GPC5: variants seen among roughly 807,000 people sequenced by gnomAD.
GPC5 encodes the protein glypican 5, also known as glypican-5.
GPC5 carries 47 observed loss-of-function variants against 53.9 expected under a neutral mutation model. That is an observed-to-expected ratio of 0.87 (90% CI 0.69 to 1.11). The LOEUF (loss-of-function observed/expected upper bound fraction) is 1.11. GPC5 is among the 50% of genes most tolerant of loss of function. The pLI is 0.00. For synonymous variants in GPC5, 286 were observed against 263.3 expected (o/e 1.09, Z -0.84); for missense variants, 748 against 713.1 (o/e 1.05, Z -0.56).
intron 7 of GPC5, among the ~76,000 whole-genome samples, chr13:92,265,595 G>T (rs566031974): frequency 6.6e-6 from 1 of 152,172 alleles, no homozygotes; most frequent in East Asian, 1.9e-4. Flanking sequence ...TTTCCCTACA[G>T]CTGTTCTCTT....
chr13:92,447,544 A>AT (rs1248154839), intron 7 of GPC5: 1 of 152,068 alleles, frequency 6.6e-6, no homozygotes, highest in Non-Finnish European at 1.5e-5. Context: ...TCATCAGGAA[A>AT]TGAAAAAAAA....
chr13:92,741,609 T>C (rs1008370378), intron 7 of GPC5, among the ~76,000 whole-genome samples: 1 of 152,182 alleles, frequency 6.6e-6, no homozygotes, highest in Non-Finnish European at 1.5e-5. Context: ...TATTATACTT[T>C]AAGTTTTAGG....
At chr13:92,068,316 T>C (rs2041183033) in intron 6 of GPC5, among the ~76,000 whole-genome samples, 1 of 151,874 alleles carries the variant, frequency 6.6e-6, no homozygotes, top group South Asian at 2.1e-4. Context: ...AATTTTATTT[T>C]ATAATTGGGT....
At chr13:91,816,813 T>C (rs898319868) in intron 5 of GPC5, among the ~76,000 whole-genome samples, 14 of 152,164 alleles carry the variant, frequency 9.2e-5, no homozygotes, top group African/African-American at 3.4e-4. Context: ...TGGATTAGAC[T>C]TGAGGTTAGC....
chr13:92,655,182 G>A (rs1309508565), intron 7 of GPC5, among the ~76,000 whole-genome samples: 1 of 152,226 alleles, frequency 6.6e-6, no homozygotes, highest in South Asian at 2.1e-4. Context: ...CAAGTTTGTG[G>A]TAATTTGTTG....
Position 91,825,105 on chromosome 13 carries a change from C to CAG in GPC5, c.1280+68700_1280+68701dup, listed in dbSNP as rs937373917. 1.2e-3 allele frequency among the ~76,000 whole-genome samples: 169 copies of CAG among 145,066 alleles called. 1 individual carries two copies. The highest frequency in any genetic ancestry group is 1.9e-3 in the Non-Finnish European group (125 of 66,230). ...AGAGATTTAACATATATTTGTTTTC[C>CAG]AGAGAGAGAGAGAGAGGATCGGGTG... On this transcript the variant is annotated intron_variant, in intron 5 of 7. Coordinates refer to ENST00000377067, the MANE Select transcript of GPC5 (RefSeq NM_004466.6).
intron 5 of GPC5, among the ~76,000 whole-genome samples, chr13:91,800,606 G>A (rs1293478699): frequency 7.2e-5 from 11 of 152,012 alleles, no homozygotes; most frequent in Non-Finnish European, 1.3e-4. Context: ...CTATTTTTGT[G>A]CAGAGTACAT....
rs569326382 is a variant in GPC5, at chr13:91,520,144, A to G, written c.325+71222A>G. On this transcript the variant is annotated intron_variant, in intron 2 of 7. Coordinates refer to ENST00000377067, the MANE Select transcript of GPC5 (RefSeq NM_004466.6). ...TATAAAATGGTCCCTTGGCTTACAGAGATCCATACATTCACAACTTGATAT... is the reference window on the plus strand; with the variant it reads ...TATAAAATGGTCCCTTGGCTTACAGGGATCCATACATTCACAACTTGATAT... 8.5e-5 allele frequency among the ~76,000 whole-genome samples: 13 copies of G among 152,298 alleles called. No homozygotes were observed. The East Asian group carries it at 2.5e-3, about 29-fold the overall frequency.
At chr13:92,738,834 C>T (rs917836852) in intron 7 of GPC5, among the ~76,000 whole-genome samples, 2 of 152,040 alleles carry the variant, frequency 1.3e-5, no homozygotes, top group Non-Finnish European at 2.9e-5. Flanking sequence ...TGCATATCAC[C>T]CCCTTGAGAA....
intron 7 of GPC5, among the ~76,000 whole-genome samples, chr13:92,296,168 G>A (rs1034588383): frequency 6.6e-6 from 1 of 152,178 alleles, no homozygotes; most frequent in African/African-American, 2.4e-5. Context: ...TGGTGGCAGA[G>A]GTAGAGGGGA....
chr13:91,552,402 G>A (rs989593298), intron 2 of GPC5, among the ~76,000 whole-genome samples: 26 of 151,944 alleles, frequency 1.7e-4, no homozygotes, highest in African/African-American at 5.6e-4. Context: ...ACCCAGTGGC[G>A]CTAGAGGAAT....
chr13:92,249,692 G>A (rs540403263), intron 7 of GPC5, among the ~76,000 whole-genome samples: 3 of 152,186 alleles, frequency 2.0e-5, no homozygotes, highest in African/African-American at 7.2e-5. Flanking sequence ...GTTAGTGGCA[G>A]AATGTAGACA....
At chr13:92,804,955 C>T (rs1172683) in intron 7 of GPC5, among the ~76,000 whole-genome samples, 14,499 of 151,958 alleles carry the variant, frequency 0.095, 1,215 homozygotes, top group African/African-American at 0.22. Context: ...GCTCCTCATC[C>T]GCTCAAGTTT....
chr13:92,042,337 C>T (rs748256525), intron 6 of GPC5, among the ~76,000 whole-genome samples: 3 of 152,048 alleles, frequency 2.0e-5, no homozygotes, highest in Non-Finnish European at 4.4e-5. Flanking sequence ...CGCTTGGAAC[C>T]GTGATAGCAC....
At chr13:92,053,185 T>C (rs1203237574) in intron 6 of GPC5, among the ~76,000 whole-genome samples, 3 of 152,214 alleles carry the variant, frequency 2.0e-5, no homozygotes, top group Admixed American at 1.3e-4. Context: ...AAATGAGGCC[T>C]GCTGAATAAA....
intron 6 of GPC5, among the ~76,000 whole-genome samples, chr13:91,925,940 T>G (rs1401101083): frequency 6.6e-6 from 1 of 152,174 alleles, no homozygotes; most frequent in Non-Finnish European, 1.5e-5. Flanking sequence ...AATTAGAATA[T>G]AATTATAATT....
At chr13:92,699,722 A>T (rs1269113159) in intron 7 of GPC5, among the ~76,000 whole-genome samples, 2 of 152,080 alleles carry the variant, frequency 1.3e-5, no homozygotes, top group Non-Finnish European at 2.9e-5. Flanking sequence ...TTCAGTTTCC[A>T]TGTAGTTGTG....
In GPC5 at chr13:92,846,123, A is replaced by G. The variant is rs9561177; in HGVS notation, c.1562-20159A>G. ...GTGAGGCCTCAGGAAACTTATAATC[A>G]TAGGAGAAGGGGAAGCAAAAGCCTC... On this transcript the variant is annotated intron_variant, in intron 7 of 7. Coordinates refer to ENST00000377067, the MANE Select transcript of GPC5 (RefSeq NM_004466.6). Among the ~76,000 whole-genome samples the G allele has an allele frequency of 0.025, 3,849 of 152,202 alleles. 381 individuals carry two copies. The East Asian group carries it at 0.32, about 13-fold the overall frequency.
intron 7 of GPC5, among the ~76,000 whole-genome samples, chr13:92,578,161 T>C (rs142882615): frequency 1.6e-4 from 25 of 152,274 alleles, no homozygotes; most frequent in African/African-American, 5.8e-4. Flanking sequence ...CTGTTGTGAA[T>C]GGTGCAGTTG....
Sources: gnomAD v4.1 joint callset for allele counts (sites outside exome capture counted in the v4.1 genomes callset) on GRCh38, gnomAD v4.1.1 for gene constraint, MANE v1.5 for transcripts, NCBI Gene and HGNC (gene_info 2026-07-23, HGNC 2026-07-21) for gene names.